Variants in CSMD1 observed in about 807,000 individuals in gnomAD.
The protein encoded by CSMD1 is CUB and Sushi multiple domains 1, also known as CUB and sushi domain-containing protein 1.
Under a neutral mutation model 417.5 loss-of-function variants are expected in CSMD1, and 213 were observed. That is an observed-to-expected ratio of 0.51 (90% CI 0.46 to 0.57). The LOEUF (loss-of-function observed/expected upper bound fraction) is 0.57. Among genes scored for constraint, CSMD1 ranks in the 20% least tolerant of loss-of-function variants. CSMD1 has a pLI of 0.00. For missense variants in CSMD1, 6,923 were observed against 4,529.7 expected (o/e 1.53, Z -15.17); for synonymous variants, 2,862 against 1,736.8 (o/e 1.65, Z -16.11).
At chr8:4,529,959 G>C (rs1475207722) in intron 2 of CSMD1, among the ~76,000 whole-genome samples, 2 of 151,568 alleles carry the variant, frequency 1.3e-5, no homozygotes, top group South Asian at 2.1e-4. Flanking sequence ...TTGTCACCCA[G>C]GCTGGAGTGC....
At chr8:4,214,135 G>A (rs1389064764) in intron 3 of CSMD1, among the ~76,000 whole-genome samples, 3 of 152,098 alleles carry the variant, frequency 2.0e-5, no homozygotes, top group East Asian at 3.9e-4. Context: ...TTTTGTTTTG[G>A]CTTAGTTCTT....
At chr8:4,478,160 T>C (rs4875350) in intron 2 of CSMD1, among the ~76,000 whole-genome samples, 25,258 of 152,154 alleles carry the variant, frequency 0.17, 2,611 homozygotes, top group South Asian at 0.27. Flanking sequence ...ATGGGCAATT[T>C]TCTTACTTTC....
intron 9 of CSMD1, among the ~76,000 whole-genome samples, chr8:3,582,905 C>A (rs1160027267): frequency 6.6e-6 from 1 of 152,128 alleles, no homozygotes; most frequent in Non-Finnish European, 1.5e-5. Flanking sequence ...TTACTCAATC[C>A]AGCACTAACT....
At chr8:4,200,472 G>A (rs190012695) in intron 3 of CSMD1, among the ~76,000 whole-genome samples, 2 of 152,294 alleles carry the variant, frequency 1.3e-5, no homozygotes, top group East Asian at 3.9e-4. Context: ...AAGTGACAAA[G>A]TTGAATCTCA....
chr8:4,726,404 C>G (rs907881226), intron 1 of CSMD1, among the ~76,000 whole-genome samples: 7 of 152,084 alleles, frequency 4.6e-5, no homozygotes, highest in Non-Finnish European at 1.0e-4. Flanking sequence ...GAGCACTCTA[C>G]CCTTTAGTGT....
chr8:4,017,618 A>C lies in CSMD1; in HGVS notation c.610+14287T>G, dbSNP rs377257299. 1.3e-3 allele frequency among the ~76,000 whole-genome samples: 196 copies of C among 152,236 alleles called. 2 individuals are homozygous for C. The highest frequency in any genetic ancestry group is 4.1e-3 in the African/African-American group (169 of 41,532). Reference sequence around the variant, plus strand: ...ACCGTGCCCAGCTGCCACCTCGTTTATAACTCTAAATTGTGTAGAAAATAT... The same window carrying C: ...ACCGTGCCCAGCTGCCACCTCGTTTCTAACTCTAAATTGTGTAGAAAATAT... On this transcript the variant is annotated intron_variant, in intron 4 of 69. Coordinates refer to ENST00000635120, the MANE Select transcript of CSMD1 (RefSeq NM_033225.6).
intron 3 of CSMD1, among the ~76,000 whole-genome samples, chr8:4,304,982 T>A (rs1798167479): frequency 1.3e-5 from 2 of 152,202 alleles, no homozygotes; most frequent in African/African-American, 2.4e-5. Context: ...TGGATGGTAA[T>A]GCCAATGCCT....
At chr8:3,933,113 G>T in intron 5 of CSMD1, among the ~76,000 whole-genome samples, 1 of 143,326 alleles carries the variant, frequency 7.0e-6, no homozygotes. Flanking sequence ...TTATATATCT[G>T]GTTTATATAT....
At chr8:3,946,467 G>A (rs1811231819) in intron 5 of CSMD1, among the ~76,000 whole-genome samples, 1 of 152,116 alleles carries the variant, frequency 6.6e-6, no homozygotes, top group South Asian at 2.1e-4. Context: ...TATTATGTAA[G>A]TCCTCCCACT....
intron 5 of CSMD1, among the ~76,000 whole-genome samples, chr8:3,971,673 A>G (rs2627449): frequency 0.71 from 108,076 of 151,916 alleles, 39,052 homozygotes; most frequent in East Asian, 0.94. Flanking sequence ...ACATGGGGGT[A>G]CTCAGAGGGA....
chr8:3,679,475 G>A (rs893322915), intron 7 of CSMD1, among the ~76,000 whole-genome samples: 7 of 152,180 alleles, frequency 4.6e-5, no homozygotes, highest in African/African-American at 1.7e-4. Flanking sequence ...AATTCAACAA[G>A]AAGAGCTAAC....
intron 10 of CSMD1, among the ~76,000 whole-genome samples, chr8:3,546,149 G>C (rs1262145037): frequency 1.3e-5 from 2 of 151,370 alleles, no homozygotes; most frequent in Non-Finnish European, 2.9e-5. Flanking sequence ...ACTAAGCAAA[G>C]GTCATCATGT....
chr8:3,110,802 T>C (rs1050736688), intron 42 of CSMD1, among the ~76,000 whole-genome samples: 3 of 152,236 alleles, frequency 2.0e-5, no homozygotes, highest in African/African-American at 7.2e-5. Context: ...ATCAATTCTT[T>C]ACAGATCTAT....
chr8:3,440,277 T>G lies in CSMD1; in HGVS notation c.1561+28435A>C, dbSNP rs532864125. 6.6e-5 allele frequency among the ~76,000 whole-genome samples: 10 copies of G among 152,336 alleles called. No homozygotes were observed. The East Asian group carries it at 1.7e-3, about 26-fold the overall frequency. The stretch of plus-strand genomic sequence containing the variant: ...TCTTTACTCTGAGTGTCCCAATACA[T>G]GAACATACTATATCTCTCTACTTAT... On this transcript the variant is annotated intron_variant, in intron 12 of 69. Coordinates refer to ENST00000635120, the MANE Select transcript of CSMD1 (RefSeq NM_033225.6).
intron 5 of CSMD1, among the ~76,000 whole-genome samples, chr8:3,942,424 T>C (rs1181984260): frequency 6.6e-6 from 1 of 152,112 alleles, no homozygotes; most frequent in African/African-American, 2.4e-5. Context: ...AAGCATTACA[T>C]TTATGGTACC....
intron 1 of CSMD1, among the ~76,000 whole-genome samples, chr8:4,821,024 G>A (rs896214994): frequency 6.6e-5 from 10 of 151,994 alleles, no homozygotes; most frequent in African/African-American, 9.7e-5. Flanking sequence ...CAGATCGCAC[G>A]GCTTAGATTG....
chr8:4,852,766 G>C (rs541731321), intron 1 of CSMD1, among the ~76,000 whole-genome samples: 7 of 150,004 alleles, frequency 4.7e-5, no homozygotes, highest in African/African-American at 1.5e-4. Flanking sequence ...TAGAAATGTG[G>C]ACAGTGATGG....
At chr8:4,562,809 C>T (rs1798407515) in intron 2 of CSMD1, among the ~76,000 whole-genome samples, 1 of 152,062 alleles carries the variant, frequency 6.6e-6, no homozygotes, top group Non-Finnish European at 1.5e-5. Flanking sequence ...ATAAATACAG[C>T]AGATCATTTA....
At chr8:3,528,597 T>A (rs941257511) in intron 10 of CSMD1, among the ~76,000 whole-genome samples, 3 of 152,238 alleles carry the variant, frequency 2.0e-5, no homozygotes, top group African/African-American at 7.2e-5. Context: ...AACACACAAT[T>A]TGAATTTCAA....
Sources: gnomAD v4.1 joint callset for allele counts (sites outside exome capture counted in the v4.1 genomes callset) on GRCh38, gnomAD v4.1.1 for gene constraint, MANE v1.5 for transcripts, NCBI Gene and HGNC (gene_info 2026-07-23, HGNC 2026-07-21) for gene names.